The following ATXN10 variants were observed in gnomAD, a reference collection of about 807,000 sequenced individuals.
ATXN10 encodes ataxin 10, also known as ataxin-10.
In ATXN10, 28 loss-of-function variants were observed where a neutral mutation model predicts 52.9. That is an observed-to-expected ratio of 0.53 (90% CI 0.39 to 0.73). The LOEUF (loss-of-function observed/expected upper bound fraction) is 0.73, where lower values mean the gene tolerates loss of function less well. Among genes scored for constraint, ATXN10 ranks in the 30% least tolerant of loss-of-function variants. ATXN10 has a pLI of 0.00. For missense variants in ATXN10, 565 were observed against 577.0 expected, an observed-to-expected ratio of 0.98 and a Z score of 0.21; for synonymous variants, 226 against 221.5, an observed-to-expected ratio of 1.02 and a Z score of -0.18.
At chr22:45,793,701 A>G (rs1927601321) in intron 9 of ATXN10, 2 of 1,483,410 alleles carry the variant, frequency 1.3e-6, no homozygotes, top group South Asian at 3.0e-5. Flanking sequence ...ACACAGCTCC[A>G]TGCTGAGGCC....
intron 1 of ATXN10, among the ~76,000 whole-genome samples, chr22:45,682,758 C>T (rs1569021328): frequency 6.6e-6 from 1 of 152,212 alleles, no homozygotes. Context: ...CAATTTATGG[C>T]TCAGGCTAAA....
chr22:45,740,824 A>G (rs1190349788), intron 9 of ATXN10: 2 of 185,398 alleles, frequency 1.1e-5, no homozygotes, highest in African/African-American at 4.7e-5. Flanking sequence ...CACACAGTAG[A>G]TATTTAATAA....
chr22:45,718,109 A>C lies in ATXN10; in HGVS notation c.648-304A>C, dbSNP rs1051210570. On this transcript the variant is annotated intron_variant, in intron 5 of 11. Transcript: ENST00000252934. The surrounding 1 kb of genome is among the most constrained non-coding windows in gnomAD (Gnocchi z 4.4). ...ACCTGATCTTGTTGCTAAATGAAGA[A>C]TTTTTCTTTCTCAACTTAGATAACA... is the stretch of plus-strand genomic sequence containing the variant. Among the ~76,000 whole-genome samples the C allele has an allele frequency of 3.3e-5, 5 of 152,178 alleles. No homozygotes were observed. The highest frequency in any genetic ancestry group is 2.0e-4 in the Admixed American group (3 of 15,266).
At chr22:45,764,735 G>A (rs1186740070) in intron 9 of ATXN10, among the ~76,000 whole-genome samples, 2 of 152,152 alleles carry the variant, frequency 1.3e-5, no homozygotes, top group East Asian at 1.9e-4. Flanking sequence ...AACAACATTC[G>A]TAAACCACGT....
At chr22:45,796,577 A>C (rs1476175050) in intron 9 of ATXN10, among the ~76,000 whole-genome samples, 1 of 152,178 alleles carries the variant, frequency 6.6e-6, no homozygotes, top group Admixed American at 6.5e-5. Flanking sequence ...CCCAGCTGTA[A>C]AATTTCTCTC....
chr22:45,811,631 A>G, intron 10 of ATXN10: 1 of 446,194 alleles, frequency 2.2e-6, no homozygotes, highest in Non-Finnish European at 4.7e-6. Flanking sequence ...GTTACTAGGT[A>G]ATATAGCCTA....
Position 45,684,409 on chromosome 22 carries a change from A to T in ATXN10, c.117-5303A>T, listed in dbSNP as rs987680559. 6.6e-6 allele frequency among the ~76,000 whole-genome samples: 1 copy of T among 152,158 alleles called. No homozygotes were observed. Among genetic ancestry groups the T allele is most frequent in the Non-Finnish European group, 1.5e-5 (1 of 68,028 alleles). ...CCTTTAAAGCAGGGGTTGCCAGACC[A>T]TGGCCAGATCTGGCCTACTACCTGT... On this transcript the variant is annotated intron_variant, in intron 1 of 11. Coordinates refer to ENST00000252934, the MANE Select transcript of ATXN10 (RefSeq NM_013236.4). The surrounding 1 kb of genome is among the most constrained non-coding windows in gnomAD (Gnocchi z 4.1).
chr22:45,785,515 A>G (rs1927293127), intron 9 of ATXN10, among the ~76,000 whole-genome samples: 1 of 152,222 alleles, frequency 6.6e-6, no homozygotes, highest in Admixed American at 6.5e-5. Context: ...AAATTCTCGC[A>G]TTTTATTGAG....
Position 45,696,700 on chromosome 22 carries a change from C to G in ATXN10, c.392-3582C>G, listed in dbSNP as rs534703280. Among the ~76,000 whole-genome samples, 1 of 152,332 alleles carries G rather than the reference C, an allele frequency of 6.6e-6. No individual in the cohort carries two copies. The highest frequency in any genetic ancestry group is 2.4e-5 in the African/African-American group (1 of 41,576). ...CTCCATGTCCCCGTCAGTCCAGTAT[C>G]TCGTTTTTCTGCTCTATCCCAAATG... On this transcript the variant is annotated intron_variant, in intron 3 of 11. Coordinates refer to ENST00000252934, the MANE Select transcript of ATXN10 (RefSeq NM_013236.4). This position sits in a 1 kb window ranked among gnomAD's most constrained non-coding sequence, Gnocchi z 4.7.
At position 45,774,860 on chromosome 22, in the gene ATXN10, G is replaced by A. The variant is rs1569059659; in HGVS notation, c.1174-32099G>A. ...AGGCAGGAGAATCACTTAAACCTGG[G>A]AGGTGGAGGTGGCAGGCTGCAGTGA... On this transcript the variant is annotated intron_variant, in intron 9 of 11. Coordinates refer to ENST00000252934, the MANE Select transcript of ATXN10 (RefSeq NM_013236.4). This position sits in a 1 kb window ranked among gnomAD's most constrained non-coding sequence, Gnocchi z 6.2. Among the ~76,000 whole-genome samples, 5 of 152,204 alleles carry A rather than the reference G, an allele frequency of 3.3e-5. No homozygotes were observed. Among genetic ancestry groups the A allele is most frequent in the African/African-American group, 4.8e-5 (2 of 41,464 alleles).
intron 10 of ATXN10, among the ~76,000 whole-genome samples, chr22:45,831,991 A>T (rs764989959): frequency 6.6e-6 from 1 of 152,214 alleles, no homozygotes; most frequent in South Asian, 2.1e-4. Flanking sequence ...AGGTGGAACA[A>T]CTGCCTTGGT....
rs1459347607 is a variant in ATXN10 at position 45,681,545 on chromosome 22, T to A, written c.117-8167T>A. On this transcript the variant is annotated intron_variant, in intron 1 of 11. Coordinates refer to ENST00000252934, the MANE Select transcript of ATXN10 (RefSeq NM_013236.4). The surrounding 1 kb of genome is among the most constrained non-coding windows in gnomAD (Gnocchi z 4.2). ...ATGGATGAGTAATAAGAGCATTTTTTAATGTACATCCTCAACTCCACTGCC... is the reference window on the plus strand; with the variant it reads ...ATGGATGAGTAATAAGAGCATTTTTAAATGTACATCCTCAACTCCACTGCC... Among the ~76,000 whole-genome samples the A allele has an allele frequency of 2.6e-5, 4 of 152,210 alleles. No individual in the cohort carries two copies. Among genetic ancestry groups the A allele is most frequent in the Non-Finnish European group, 4.4e-5 (3 of 68,028 alleles).
chr22:45,751,747 A>AT lies in ATXN10; in HGVS notation c.1173+11209_1173+11210insT, dbSNP rs1024162040. Among the ~76,000 whole-genome samples, 19 of 60,700 alleles carry AT rather than the reference A, an allele frequency of 3.1e-4. No individual in the cohort carries two copies. In the East Asian group the frequency reaches 3.8e-3, roughly 12 times the overall value. The allele number at this position is 60,700 out of a possible 152,430, so 39.8% of individuals were successfully genotyped here. On this transcript the variant is annotated intron_variant, in intron 9 of 11. Transcript: ENST00000252934. ...TAGCTCTACCTTTTTCTGGAAAAAA[A>AT]AAAAAAATAAAAAAAAAATAATAAT...
chr22:45,671,948 G>A lies in ATXN10; in HGVS notation c.-116G>A. 1 of 1,218,766 alleles carries A rather than the reference G, an allele frequency of 8.2e-7. No individual in the cohort carries two copies. Among genetic ancestry groups the A allele is most frequent in the South Asian group, 1.4e-5 (1 of 72,942 alleles). 75.5% of individuals were successfully genotyped at this position (1,218,766 alleles called of 1,614,324 possible). ...GGCGGCGGCGGTTAGGGCTGTGTAG[G>A]GCGAGGCCTCCCCCTTCCTCCTCGC... On this transcript the variant is annotated 5_prime_UTR_variant, in exon 1 of 12. Transcript: ENST00000252934.
Position 45,702,672 on chromosome 22 carries a change from A to C in ATXN10, c.489-17A>C, listed in dbSNP as rs781442606. The C allele has an allele frequency of 5.0e-6, 8 of 1,613,446 alleles. No homozygotes were observed. Among genetic ancestry groups the C allele is most frequent in the Non-Finnish European group, 6.8e-6 (8 of 1,179,672 alleles). ...GTTACTAAATTGGGCTAACAATCTCATTTCCTTGTTTGGAAGGTCTTGCTT... is the reference window on the plus strand; with the variant it reads ...GTTACTAAATTGGGCTAACAATCTCCTTTCCTTGTTTGGAAGGTCTTGCTT... On this transcript the variant is annotated splice_polypyrimidine_tract_variant and intron_variant, in intron 4 of 11. Coordinates refer to ENST00000252934, the MANE Select transcript of ATXN10 (RefSeq NM_013236.4).
chr22:45,801,970 C>T (rs1927944837), intron 9 of ATXN10, among the ~76,000 whole-genome samples: 1 of 152,162 alleles, frequency 6.6e-6, no homozygotes, highest in African/African-American at 2.4e-5. Flanking sequence ...TCAGAAACCT[C>T]CCCAAGGTCA....
chr22:45,808,107 C>T (rs1280535481), intron 10 of ATXN10, among the ~76,000 whole-genome samples: 5 of 152,170 alleles, frequency 3.3e-5, no homozygotes, highest in African/African-American at 1.2e-4. Context: ...TACACAGCCT[C>T]AGAAGACTCC....
chr22:45,736,236 ATTCTTCT>A (rs1925290659), intron 7 of ATXN10, among the ~76,000 whole-genome samples: 2 of 152,066 alleles, frequency 1.3e-5, no homozygotes, highest in African/African-American at 4.8e-5. Flanking sequence ...CTTCATCACC[ATTCTTCT>A]TTCCTCCACA....
intron 1 of ATXN10, among the ~76,000 whole-genome samples, chr22:45,686,264 A>G (rs974950490): frequency 6.6e-6 from 1 of 150,746 alleles, no homozygotes; most frequent in Non-Finnish European, 1.5e-5. Context: ...TGAGTGTGCA[A>G]ACAGTCTCAT....
Sources: gnomAD v4.1 joint callset for allele counts (sites outside exome capture counted in the v4.1 genomes callset) on GRCh38, gnomAD v4.1.1 for gene constraint, Gnocchi (gnomAD v3.1) non-coding constraint, MANE v1.5 for transcripts, NCBI Gene and HGNC (gene_info 2026-07-23, HGNC 2026-07-21) for gene names.